ZBTB17: variants seen among roughly 807,000 people sequenced by gnomAD.
ZBTB17 encodes zinc finger and BTB domain-containing protein 17.
Under a neutral mutation model 85.1 loss-of-function variants are expected in ZBTB17, and 24 were observed. The observed-to-expected ratio is 0.28, with a 90% CI of 0.20 to 0.40. The LOEUF is 0.40. Among genes scored for constraint, ZBTB17 ranks in the 10% least tolerant of loss-of-function variants. The pLI is 1.00. For synonymous variants in ZBTB17, 464 were observed against 460.2 expected, an observed-to-expected ratio of 1.01 and a Z score of -0.11; for missense variants, 743 against 1,105.1, an observed-to-expected ratio of 0.67 and a Z score of 4.65.
intron 1 of ZBTB17, among the ~76,000 whole-genome samples, chr1:15,975,454 T>C (rs2072834947): frequency 6.6e-6 from 1 of 152,140 alleles, no homozygotes; most frequent in African/African-American, 2.4e-5. Flanking sequence ...CGCTCTAGCT[T>C]CACCATCTAT....
intron 2 of ZBTB17, among the ~76,000 whole-genome samples, chr1:15,948,752 C>A (rs2268341): frequency 6.6e-6 from 1 of 151,960 alleles, no homozygotes; most frequent in Non-Finnish European, 1.5e-5. Flanking sequence ...GGCACCAACA[C>A]GAGGCAGCCG....
chr1:15,961,761 C>T (rs1372390169), intron 2 of ZBTB17, among the ~76,000 whole-genome samples: 2 of 152,202 alleles, frequency 1.3e-5, no homozygotes, highest in Non-Finnish European at 2.9e-5. Context: ...GGAGACCACC[C>T]CCAAGTGTGA....
intron 9 of ZBTB17, 119 bp from the exon 10 acceptor site, chr1:15,944,014 C>G (rs72885818): frequency 9.1e-7 from 1 of 1,095,238 alleles, no homozygotes. Flanking sequence ...GTGAAGGGCT[C>G]TATCTCTCCT....
chr1:15,974,831 C>T (rs2148822736), intron 1 of ZBTB17, among the ~76,000 whole-genome samples: 1 of 152,346 alleles, frequency 6.6e-6, no homozygotes, highest in Admixed American at 6.5e-5. Flanking sequence ...CCGCCTGGGC[C>T]TCCCAAAGTG....
intron 2 of ZBTB17, among the ~76,000 whole-genome samples, chr1:15,948,700 G>A (rs1415041990): frequency 6.6e-6 from 1 of 152,202 alleles, no homozygotes; most frequent in East Asian, 1.9e-4. Context: ...GTATTCCTGG[G>A]TTTACTGTCC....
At chr1:15,947,664 C>T (rs2071668202) in intron 3 of ZBTB17, among the ~76,000 whole-genome samples, 1 of 152,214 alleles carries the variant, frequency 6.6e-6, no homozygotes, top group South Asian at 2.1e-4. Flanking sequence ...TATTTGGCCG[C>T]TACACTTCAC....
intron 3 of ZBTB17, 107 bp downstream of exon 3, chr1:15,948,184 T>C (rs553679153): frequency 3.7e-6 from 5 of 1,347,358 alleles, no homozygotes; most frequent in South Asian, 2.4e-5. Flanking sequence ...GGGAGGCCTG[T>C]TGCATCCCAC....
At position 15,943,209 on chromosome 1, in the gene ZBTB17, G is replaced by T; in HGVS notation, c.1698-15C>A. The T allele has an allele frequency of 6.2e-7, 1 of 1,614,128 alleles. No individual in the cohort carries two copies. The highest frequency in any genetic ancestry group is 8.5e-7 in the Non-Finnish European group (1 of 1,180,006). On this transcript the variant is annotated splice_polypyrimidine_tract_variant and intron_variant, in intron 12 of 15. Transcript: ENST00000375743. ...ACTGGACGAATCTGTGGGGCCACAGGAAGGGACTCGCATGGAACTGCCCCA... is the reference window on the plus strand; with the variant it reads ...ACTGGACGAATCTGTGGGGCCACAGTAAGGGACTCGCATGGAACTGCCCCA...
In ZBTB17 at chr1:15,943,432, T is replaced by A; in HGVS notation, c.1664A>T (p.Glu555Val). The change falls in exon 12 of 16, where the codon GAG becomes GTG. Residue 555 changes from glutamate (E) to valine (V), a missense_variant. Physicochemically the swap from Glu to Val is moderately radical, Grantham distance 121 (BLOSUM62 -2). Transcript: ENST00000375743. Reference sequence around the variant, plus strand: ...GCAGCGCTCGCAGACGTAGGGCTTCTCCCCGGTGTGCTGGCGCACGTGGGC... The same window carrying A: ...GCAGCGCTCGCAGACGTAGGGCTTCACCCCGGTGTGCTGGCGCACGTGGGC... Reference protein sequence around the residue: ...LIAHVRQHTGEKPYVCERCGK... With the variant: ...LIAHVRQHTGVKPYVCERCGK... 1 of 1,609,064 alleles carries A rather than the reference T, an allele frequency of 6.2e-7. No individual in the cohort carries two copies. Among genetic ancestry groups the A allele is most frequent in the Non-Finnish European group, 8.5e-7 (1 of 1,177,358 alleles).
Position 15,943,714 on chromosome 1 carries a change from C to G in ZBTB17, c.1461G>C (p.Gly487=). ...GGATCCGAAGGTGCCGCTTCAGGTT[C>G]CCTGTGGCGAGACCGAGGGCGAACC... ...RECGKQFTTS[G]NLKRHLRIHS... Residue 487 remains glycine (G), a splice_region_variant and synonymous_variant, in exon 11 of 16, where the codon GGG becomes GGC. Coordinates refer to ENST00000375743, the MANE Select transcript of ZBTB17 (RefSeq NM_003443.3). The G allele has an allele frequency of 6.2e-7, 1 of 1,613,214 alleles. No homozygotes were observed. The highest frequency in any genetic ancestry group is 8.5e-7 in the Non-Finnish European group (1 of 1,179,918).
At chr1:15,969,524 G>A (rs2072564341) in intron 2 of ZBTB17, 1 of 326,874 alleles carries the variant, frequency 3.1e-6, no homozygotes, top group Non-Finnish European at 6.0e-6. Context: ...GGGGGCACGA[G>A]GCAGTAGTGT....
At chr1:15,963,792 C>T (rs1040462727) in intron 2 of ZBTB17, among the ~76,000 whole-genome samples, 1 of 152,218 alleles carries the variant, frequency 6.6e-6, no homozygotes, top group Admixed American at 6.5e-5. Context: ...TAAACAAATG[C>T]TGAACTAATG....
intron 6 of ZBTB17, 64 bp from the exon 7 acceptor site, chr1:15,945,266 C>T: frequency 1.3e-6 from 2 of 1,526,704 alleles, no homozygotes; most frequent in Admixed American, 4.0e-5. Context: ...GTGAGGGGCG[C>T]CGGCAACATG....
chr1:15,943,955 C>A, intron 9 of ZBTB17, 60 bp from the exon 10 acceptor site: 1 of 1,454,268 alleles, frequency 6.9e-7, no homozygotes, highest in South Asian at 1.2e-5. Context: ...GGCCCCCTCA[C>A]CTGCCCCTCC....
Position 15,951,002 on chromosome 1 carries a change from C to T in ZBTB17, c.-2-2505G>A, listed in dbSNP as rs192803078. 6.6e-6 allele frequency among the ~76,000 whole-genome samples: 1 copy of T among 152,268 alleles called. No homozygotes were observed. Among genetic ancestry groups the T allele is most frequent in the East Asian group, 1.9e-4 (1 of 5,160 alleles). ...TCGCTAGATAATAAAATAGTAAAGG[C>T]CCCAAGGACAGGGTGGGTGGTGGCC... On this transcript the variant is annotated intron_variant, in intron 2 of 15. Transcript: ENST00000375743. The surrounding 1 kb of genome is among the most constrained non-coding windows in gnomAD (Gnocchi z 4.1).
In ZBTB17 at chr1:15,966,895, G is replaced by A. The variant is rs1276581418; in HGVS notation, c.-3+6144C>T. Among the ~76,000 whole-genome samples, 1 of 150,158 alleles carries A rather than the reference G, an allele frequency of 6.7e-6. No homozygotes were observed. The highest frequency in any genetic ancestry group is 2.0e-4 in the East Asian group (1 of 5,066). ...TGCACTCCAACCTGGGCGAAAGAGC[G>A]AGACCCTGTCTCAAAAATTAAATTA... On this transcript the variant is annotated intron_variant, in intron 2 of 15. Coordinates refer to ENST00000375743, the MANE Select transcript of ZBTB17 (RefSeq NM_003443.3). This position sits in a 1 kb window ranked among gnomAD's most constrained non-coding sequence, Gnocchi z 4.1.
At chr1:15,961,884 G>A (rs948040302) in intron 2 of ZBTB17, among the ~76,000 whole-genome samples, 1 of 152,186 alleles carries the variant, frequency 6.6e-6, no homozygotes, top group Non-Finnish European at 1.5e-5. Flanking sequence ...CAGTGGAGAA[G>A]TATATTTTAC....
intron 2 of ZBTB17, among the ~76,000 whole-genome samples, chr1:15,962,998 C>G (rs1417648551): frequency 6.6e-6 from 1 of 152,106 alleles, no homozygotes; most frequent in South Asian, 2.1e-4. Flanking sequence ...CACAGTGGCT[C>G]ACACTTGTAA....
intron 2 of ZBTB17, among the ~76,000 whole-genome samples, chr1:15,954,782 C>T (rs1256794439): frequency 6.6e-6 from 1 of 152,074 alleles, no homozygotes; most frequent in Non-Finnish European, 1.5e-5. Flanking sequence ...GCCAGGAGGT[C>T]GAGGCTGCAG....
Sources: allele counts gnomAD v4.1 joint callset (sites outside exome capture counted in the v4.1 genomes callset), GRCh38; gene constraint gnomAD v4.1.1; non-coding constraint Gnocchi (gnomAD v3.1); transcripts MANE v1.5; gene names NCBI Gene and HGNC (gene_info 2026-07-23, HGNC 2026-07-21).